Variants in EVA1A observed in about 807,000 individuals in gnomAD.
EVA1A encodes protein eva-1 homolog A.
Under a neutral mutation model 9.8 loss-of-function variants are expected in EVA1A, and 7 were observed. That is an observed-to-expected ratio of 0.71 (90% CI 0.41 to 1.34). The LOEUF is 1.34. Among genes scored for constraint, EVA1A ranks in the 40% most tolerant of loss-of-function variants. The pLI is 0.01. For missense variants in EVA1A, 206 were observed against 205.9 expected, an observed-to-expected ratio of 1.00 and a Z score of 0.00; for synonymous variants, 90 against 85.6, an observed-to-expected ratio of 1.05 and a Z score of -0.28.
upstream of EVA1A, among the ~76,000 whole-genome samples, chr2:75,564,205 A>G (rs993438548): frequency 1.1e-4 from 16 of 152,192 alleles, no homozygotes; most frequent in Non-Finnish European, 2.2e-4. Flanking sequence ...CAGGGAACAC[A>G]GGAGAGGTTG....
intron 3 of EVA1A, among the ~76,000 whole-genome samples, chr2:75,496,168 T>A (rs1674204452): frequency 6.6e-6 from 1 of 152,144 alleles, no homozygotes; most frequent in South Asian, 2.1e-4. Context: ...AAGGTGGTCT[T>A]GTAAGATCTA....
intron 1 of EVA1A, among the ~76,000 whole-genome samples, chr2:75,555,336 T>TCCCCCC (rs1553421963): frequency 9.7e-6 from 1 of 102,742 alleles, no homozygotes; most frequent in Non-Finnish European, 2.2e-5. Flanking sequence ...TCTCTCTCTC[T>TCCCCCC]CCCCCATCTC....
At chr2:75,539,107 A>T (rs1186677673) in intron 1 of EVA1A, among the ~76,000 whole-genome samples, 1 of 152,256 alleles carries the variant, frequency 6.6e-6, no homozygotes, top group Non-Finnish European at 1.5e-5. Context: ...TAATCTTTAG[A>T]GTCTTCCTGA....
intron 1 of EVA1A, among the ~76,000 whole-genome samples, chr2:75,538,950 T>C (rs1676015013): frequency 6.6e-6 from 1 of 152,232 alleles, no homozygotes; most frequent in South Asian, 2.1e-4. Flanking sequence ...ACATCCCGGT[T>C]GTGATATTGT....
At chr2:75,544,023 A>G (rs1676235611) in intron 1 of EVA1A, among the ~76,000 whole-genome samples, 2 of 152,224 alleles carry the variant, frequency 1.3e-5, no homozygotes, top group African/African-American at 4.8e-5. Context: ...CCAAATGTGA[A>G]CAATCATAGA....
intron 3 of EVA1A, among the ~76,000 whole-genome samples, chr2:75,502,709 C>G (rs796676386): frequency 6.6e-6 from 1 of 152,168 alleles, no homozygotes; most frequent in South Asian, 2.1e-4. Context: ...CTGAATGCTT[C>G]TCTTTGCCAA....
At chr2:75,554,707 T>G (rs1173363033) in intron 1 of EVA1A, among the ~76,000 whole-genome samples, 1 of 144,710 alleles carries the variant, frequency 6.9e-6, no homozygotes, top group East Asian at 2.0e-4. Context: ...TGCAATTAAG[T>G]CAGCTAAAGC....
chr2:75,546,400 A>C (rs1676329067), intron 1 of EVA1A, among the ~76,000 whole-genome samples: 1 of 152,072 alleles, frequency 6.6e-6, no homozygotes, highest in Non-Finnish European at 1.5e-5. Context: ...TAGGGAAAGA[A>C]GAGGCTGGGG....
intron 3 of EVA1A, among the ~76,000 whole-genome samples, chr2:75,496,368 T>C (rs144032174): frequency 1.3e-5 from 2 of 152,176 alleles, no homozygotes; most frequent in Non-Finnish European, 2.9e-5. Context: ...CAAAAATCAG[T>C]AGGATTTCTA....
intron 3 of EVA1A, among the ~76,000 whole-genome samples, chr2:75,514,756 T>C (rs915295780): frequency 6.6e-6 from 1 of 152,204 alleles, no homozygotes; most frequent in African/African-American, 2.4e-5. Flanking sequence ...TAAATAATTC[T>C]GAGATCAATC....
At chr2:75,535,053 A>G (rs949772440) in intron 1 of EVA1A, among the ~76,000 whole-genome samples, 3 of 152,142 alleles carry the variant, frequency 2.0e-5, no homozygotes, top group African/African-American at 7.2e-5. Flanking sequence ...AGATCAGTCC[A>G]GAATCTCCAA....
upstream of EVA1A, among the ~76,000 whole-genome samples, chr2:75,564,557 G>A (rs1249682008): frequency 6.6e-6 from 1 of 152,194 alleles, no homozygotes; most frequent in Non-Finnish European, 1.5e-5. Flanking sequence ...CATGGAAAAA[G>A]TCTAGAAGCC....
chr2:75,499,621 G>C lies in EVA1A; in HGVS notation c.86-6012C>G, dbSNP rs182625935. ...CTACTTTGTCCAGAGTTCCCTAGGA[G>C]CCCTTTTCCTCTGAAAGAGACTTGA... On this transcript the variant is annotated intron_variant, in intron 3 of 3. Transcript: ENST00000393913. Among the ~76,000 whole-genome samples, 218 of 152,250 alleles carry C rather than the reference G, an allele frequency of 1.4e-3. 1 individual carries two copies. The highest frequency in any genetic ancestry group is 2.1e-3 in the Non-Finnish European group (144 of 68,010).
chr2:75,541,446 G>A (rs1676114848), intron 1 of EVA1A, among the ~76,000 whole-genome samples: 1 of 152,172 alleles, frequency 6.6e-6, no homozygotes, highest in African/African-American at 2.4e-5. Context: ...ACATAGGCAG[G>A]AAGGTTCTCA....
chr2:75,497,477 G>A (rs544731639), intron 3 of EVA1A, among the ~76,000 whole-genome samples: 22 of 152,000 alleles, frequency 1.4e-4, no homozygotes, highest in Non-Finnish European at 2.8e-4. Flanking sequence ...TCAAAACCAC[G>A]ACGAGATACC....
chr2:75,532,072 A>G (rs1675674797), intron 1 of EVA1A, among the ~76,000 whole-genome samples: 1 of 146,282 alleles, frequency 6.8e-6, no homozygotes, highest in South Asian at 2.3e-4. Context: ...AGGCAGGAGA[A>G]TGGCATGAAC....
At chr2:75,566,507 C>T (rs1247126049) in intron 1 of EVA1A, among the ~76,000 whole-genome samples, 1 of 152,218 alleles carries the variant, frequency 6.6e-6, no homozygotes, top group African/African-American at 2.4e-5. Flanking sequence ...CACATGTTCT[C>T]ATCACTTCTC....
chr2:75,521,080 C>T (rs1015276238), intron 2 of EVA1A, among the ~76,000 whole-genome samples: 1 of 152,124 alleles, frequency 6.6e-6, no homozygotes, highest in Non-Finnish European at 1.5e-5. Context: ...CAAAGATATA[C>T]AAGTAGTCAA....
At chr2:75,555,418 C>T (rs1374218974) in intron 1 of EVA1A, among the ~76,000 whole-genome samples, 2 of 150,922 alleles carry the variant, frequency 1.3e-5, no homozygotes, top group East Asian at 3.9e-4. Context: ...GCAATTCATA[C>T]AGACTTTTGG....
Sources: allele counts gnomAD v4.1 joint callset (sites outside exome capture counted in the v4.1 genomes callset), GRCh38; gene constraint gnomAD v4.1.1; transcripts MANE v1.5; gene names NCBI Gene and HGNC (gene_info 2026-07-23, HGNC 2026-07-21).